Variants in MRPL42 observed in about 807,000 individuals in gnomAD.
MRPL42 encodes the protein large ribosomal subunit protein mL42.
In MRPL42, 17 loss-of-function variants were observed where a neutral mutation model predicts 17.9. The ratio of observed to expected loss-of-function variants is 0.95; its 90% confidence interval spans 0.65 to 1.42. MRPL42 has a LOEUF of 1.42. MRPL42 is among the 40% of genes most tolerant of loss of function. The pLI, the probability that MRPL42 is intolerant of heterozygous loss-of-function variation, is 0.00. For synonymous variants in MRPL42, 59 were observed against 54.4 expected (o/e 1.08, Z -0.37); for missense variants, 177 against 175.2 (o/e 1.01, Z -0.06).
intron 5 of MRPL42, among the ~76,000 whole-genome samples, chr12:93,497,222 T>A (rs1953523046): frequency 6.6e-6 from 1 of 152,022 alleles, no homozygotes; most frequent in Non-Finnish European, 1.5e-5. Flanking sequence ...CCTCCCCAAC[T>A]CATTCTACAA....
chr12:93,495,035 A>G (rs1052133902), intron 5 of MRPL42, among the ~76,000 whole-genome samples: 1 of 152,146 alleles, frequency 6.6e-6, no homozygotes, highest in Non-Finnish European at 1.5e-5. Context: ...TGCAGGGAAA[A>G]GGAGCCTGGC....
intron 2 of MRPL42, among the ~76,000 whole-genome samples, chr12:93,473,096 C>T (rs2121168607): frequency 6.6e-6 from 1 of 152,274 alleles, no homozygotes; most frequent in South Asian, 2.1e-4. Context: ...ATATATGTAA[C>T]AAGAATAACT....
chr12:93,476,680 G>A (rs946468069), intron 2 of MRPL42, among the ~76,000 whole-genome samples: 3 of 152,148 alleles, frequency 2.0e-5, no homozygotes, highest in African/African-American at 7.2e-5. Context: ...TTGTTTGGTA[G>A]CCTTTCTGTG....
Position 93,502,747 on chromosome 12 carries a change from A to G in MRPL42, c.*1526A>G, listed in dbSNP as rs1953612825. On this transcript the variant is annotated 3_prime_UTR_variant, in exon 6 of 6. Transcript: ENST00000549982. ...AATTCTACAAATTCTTAGCTATGTT[A>G]TAAATGTAGAAAGAAGTGAAAAATC... The G allele has an allele frequency of 6.6e-6, 1 of 152,190 alleles. No homozygotes were observed. Among genetic ancestry groups the G allele is most frequent in the Admixed American group, 6.5e-5 (1 of 15,286 alleles). 9.4% of individuals were successfully genotyped at this position (152,190 alleles called of 1,614,324 possible).
intron 5 of MRPL42, chr12:93,500,950 TA>T (rs1438274812): frequency 7.4e-6 from 3 of 403,808 alleles, no homozygotes; most frequent in African/African-American, 6.4e-5. Context: ...GCCTGGGCAA[TA>T]AAGCAAGACC....
intron 3 of MRPL42, among the ~76,000 whole-genome samples, chr12:93,478,096 A>G (rs1181272239): frequency 6.6e-6 from 1 of 151,730 alleles, no homozygotes; most frequent in Non-Finnish European, 1.5e-5. Context: ...AGCTGGGACT[A>G]TAGGTGTGTG....
intron 2 of MRPL42, among the ~76,000 whole-genome samples, chr12:93,474,266 GT>G (rs950151944): frequency 1.3e-5 from 2 of 150,790 alleles, no homozygotes; most frequent in African/African-American, 2.4e-5. Context: ...ATACAAAATT[GT>G]TTTTTTTTAA....
chr12:93,475,981 A>AAAAAC (rs1208545340), intron 2 of MRPL42, among the ~76,000 whole-genome samples: 2 of 152,158 alleles, frequency 1.3e-5, no homozygotes, highest in Non-Finnish European at 2.9e-5. Context: ...ACTCCGTCTC[A>AAAAAC]AAAACAAAAC....
intron 5 of MRPL42, among the ~76,000 whole-genome samples, chr12:93,500,037 A>G (rs1592788621): frequency 6.6e-6 from 1 of 152,358 alleles, no homozygotes; most frequent in Non-Finnish European, 1.5e-5. Flanking sequence ...TTAAATCAGT[A>G]AAGAAAATAA....
rs980939703 is a variant in MRPL42 at position 93,516,130 on chromosome 12, ACT to A, written c.*14913_*14914del. 2.3e-4 allele frequency: 35 copies of A among 152,182 alleles called. 1 individual carries two copies. The highest frequency in any genetic ancestry group is 7.9e-4 in the African/African-American group (33 of 41,528). The allele number at this position is 152,182 out of a possible 1,614,324, so 9.4% of individuals were successfully genotyped here. ...AATTCTATACTAGGTTCTTCTAAAC[ACT>A]CTCATACTGAGACACCCCATGGTTC... On this transcript the variant is annotated 3_prime_UTR_variant, in exon 6 of 6. Coordinates refer to ENST00000549982, the MANE Select transcript of MRPL42 (RefSeq NM_014050.4).
chr12:93,488,255 C>T (rs1276005029), intron 5 of MRPL42: 3 of 397,168 alleles, frequency 7.6e-6, no homozygotes, highest in African/African-American at 2.1e-5. Flanking sequence ...CAGGCGTGAG[C>T]CACCGAGCCT....
At chr12:93,489,070 T>C (rs1953363892) in intron 5 of MRPL42, among the ~76,000 whole-genome samples, 1 of 152,170 alleles carries the variant, frequency 6.6e-6, no homozygotes, top group Non-Finnish European at 1.5e-5. Context: ...GGTACATTTA[T>C]AGAATTAATG....
chr12:93,477,908 C>A (rs969204463), intron 3 of MRPL42, among the ~76,000 whole-genome samples: 1 of 152,056 alleles, frequency 6.6e-6, no homozygotes, highest in African/African-American at 2.4e-5. Flanking sequence ...GGTAATCTGC[C>A]CACCTGGGCC....
In MRPL42 at chr12:93,504,753, T is replaced by TA. The variant is rs1336671664; in HGVS notation, c.*3533dup. The TA allele has an allele frequency of 2.0e-5, 3 of 152,214 alleles. No homozygotes were observed. Among genetic ancestry groups the TA allele is most frequent in the Non-Finnish European group, 4.4e-5 (3 of 68,050 alleles). 9.4% of individuals were successfully genotyped at this position (152,214 alleles called of 1,614,324 possible). A position where few individuals can be genotyped will look rare whatever the true frequency, so the allele number is the denominator to read the frequency against. The stretch of plus-strand genomic sequence containing the variant: ...ATGTAACTTCTTTAGATTCTGTTGT[T>TA]ACGTGCAACACTGTATATCTCTCCA... On this transcript the variant is annotated 3_prime_UTR_variant, in exon 6 of 6. Coordinates refer to ENST00000549982, the MANE Select transcript of MRPL42 (RefSeq NM_014050.4).
At chr12:93,494,128 AC>A (rs1222786826) in intron 5 of MRPL42, among the ~76,000 whole-genome samples, 6 of 150,416 alleles carry the variant, frequency 4.0e-5, no homozygotes, top group Admixed American at 3.3e-4. Flanking sequence ...GTAATGCAGG[AC>A]CAAATCATGT....
intron 2 of MRPL42, among the ~76,000 whole-genome samples, chr12:93,475,477 G>A: frequency 6.6e-6 from 1 of 152,004 alleles, no homozygotes; most frequent in East Asian, 1.9e-4. Context: ...TCCATACTGA[G>A]GACATGGTAA....
intron 4 of MRPL42, among the ~76,000 whole-genome samples, chr12:93,481,828 T>G (rs1400996628): frequency 6.6e-6 from 1 of 152,200 alleles, no homozygotes; most frequent in Non-Finnish European, 1.5e-5. Context: ...TCATTCCCTC[T>G]TTGTAACCTA....
intron 3 of MRPL42, among the ~76,000 whole-genome samples, chr12:93,477,782 C>T (rs1346923744): frequency 6.6e-6 from 1 of 152,072 alleles, no homozygotes; most frequent in African/African-American, 2.4e-5. Context: ...CCAGCCTCAG[C>T]CTCCTGAGTA....
intron 1 of MRPL42, among the ~76,000 whole-genome samples, chr12:93,468,129 T>C (rs1753233739): frequency 6.6e-6 from 1 of 152,218 alleles, no homozygotes; most frequent in Non-Finnish European, 1.5e-5. Context: ...GAGATGCTGC[T>C]TCACACACTT....
Sources: gnomAD v4.1 joint callset for allele counts (sites outside exome capture counted in the v4.1 genomes callset) on GRCh38, gnomAD v4.1.1 for gene constraint, MANE v1.5 for transcripts, NCBI Gene and HGNC (gene_info 2026-07-23, HGNC 2026-07-21) for gene names.